Variants in CDK14 observed in about 807,000 individuals in gnomAD.
The protein encoded by CDK14 is cyclin dependent kinase 14, also known as cyclin-dependent kinase 14.
Under a neutral mutation model 60.7 loss-of-function variants are expected in CDK14, and 34 were observed. That is an observed-to-expected ratio of 0.56 (90% CI 0.43 to 0.75). The LOEUF (loss-of-function observed/expected upper bound fraction) is 0.75. Ranked by LOEUF, CDK14 falls within the 30% of genes least tolerant of loss-of-function variation. The pLI, the probability that CDK14 is intolerant of heterozygous loss-of-function variation, is 0.00. For synonymous variants in CDK14, 197 were observed against 203.7 expected (o/e 0.97, Z 0.28); for missense variants, 482 against 564.1 (o/e 0.85, Z 1.47).
chr7:90,733,820 T>C (rs1175447637), intron 3 of CDK14, among the ~76,000 whole-genome samples: 1 of 152,218 alleles, frequency 6.6e-6, no homozygotes. Context: ...TAGGTTATTG[T>C]ATTGTTAGGT....
At chr7:91,037,814 G>A (rs760961924) in intron 10 of CDK14, among the ~76,000 whole-genome samples, 9 of 152,192 alleles carry the variant, frequency 5.9e-5, no homozygotes, top group Non-Finnish European at 1.2e-4. Flanking sequence ...TCTGAATTCA[G>A]GATGTTGACA....
At chr7:90,693,161 G>A (rs755919879) in intron 2 of CDK14, among the ~76,000 whole-genome samples, 20 of 152,144 alleles carry the variant, frequency 1.3e-4, no homozygotes, top group Non-Finnish European at 2.5e-4. Context: ...GTTGCTCTGT[G>A]TATTCTTCCC....
intron 9 of CDK14, among the ~76,000 whole-genome samples, chr7:90,974,312 A>G (rs1795009154): frequency 6.6e-6 from 1 of 152,114 alleles, no homozygotes. Flanking sequence ...CACATGTTTT[A>G]CAAACAATTT....
At chr7:90,860,807 G>A (rs2117212926) in intron 5 of CDK14, among the ~76,000 whole-genome samples, 3 of 152,258 alleles carry the variant, frequency 2.0e-5, no homozygotes, top group Admixed American at 2.0e-4. Flanking sequence ...ACATGCATGA[G>A]CCACCACGCC....
intron 4 of CDK14, among the ~76,000 whole-genome samples, chr7:90,775,652 CCTCCCCCTTTCT>C (rs1334584674): frequency 1.3e-3 from 143 of 113,478 alleles, no homozygotes; most frequent in African/African-American, 4.4e-3. Flanking sequence ...TCCCCCTTCC[CCTCCCCCTTTCT>C]CCTCCTCCTC....
chr7:90,598,620 A>G (rs868320712), intron 1 of CDK14, among the ~76,000 whole-genome samples: 4 of 152,030 alleles, frequency 2.6e-5, no homozygotes, highest in Admixed American at 6.6e-5. Flanking sequence ...TTACAGAAAC[A>G]AAATCTGTAT....
At chr7:90,738,824 AT>A (rs1803232002) in intron 3 of CDK14, among the ~76,000 whole-genome samples, 1 of 152,226 alleles carries the variant, frequency 6.6e-6, no homozygotes, top group Non-Finnish European at 1.5e-5. Context: ...TGATGATTTA[AT>A]AAAGTTGCAA....
At chr7:90,936,698 C>A (rs1793765414) in intron 8 of CDK14, among the ~76,000 whole-genome samples, 1 of 152,142 alleles carries the variant, frequency 6.6e-6, no homozygotes, top group African/African-American at 2.4e-5. Context: ...AGAATACTCT[C>A]CATCACAAAA....
At chr7:90,686,576 C>A (rs1472675800) in intron 2 of CDK14, among the ~76,000 whole-genome samples, 2 of 152,168 alleles carry the variant, frequency 1.3e-5, no homozygotes, top group African/African-American at 4.8e-5. Flanking sequence ...ACACTATTAT[C>A]TTAGTAAAAG....
At chr7:90,670,674 C>T (rs1428562468) in intron 2 of CDK14, among the ~76,000 whole-genome samples, 3 of 151,992 alleles carry the variant, frequency 2.0e-5, no homozygotes, top group South Asian at 2.1e-4. Context: ...GGAGGTGTTG[C>T]ACCCTTAAAC....
rs138137269 is a variant in CDK14 at position 91,063,443 on chromosome 7, A to G, written c.1106-15989A>G. 5.2e-3 allele frequency among the ~76,000 whole-genome samples: 785 copies of G among 152,386 alleles called. 2 individuals carry two copies. Among genetic ancestry groups the G allele is most frequent in the South Asian group, 7.9e-3 (38 of 4,832 alleles). On this transcript the variant is annotated intron_variant, in intron 11 of 14. Transcript: ENST00000380050. ...ATTTCCTTCACGTACACTGTCCTTCATGCAGCACTGGCAGAGAGCACCTTT... is the reference window on the plus strand; with the variant it reads ...ATTTCCTTCACGTACACTGTCCTTCGTGCAGCACTGGCAGAGAGCACCTTT...
At chr7:90,808,765 G>C (rs1352661462) in intron 5 of CDK14, among the ~76,000 whole-genome samples, 1 of 152,160 alleles carries the variant, frequency 6.6e-6, no homozygotes, top group African/African-American at 2.4e-5. Context: ...TAAAGGGATG[G>C]AGGAAGATCT....
At chr7:90,790,188 A>T (rs1419904681) in intron 4 of CDK14, among the ~76,000 whole-genome samples, 1 of 151,894 alleles carries the variant, frequency 6.6e-6, no homozygotes, top group East Asian at 1.9e-4. Flanking sequence ...AAATGAAGAC[A>T]TTTCAGCAGA....
intron 12 of CDK14, among the ~76,000 whole-genome samples, chr7:91,101,035 A>G (rs1357453178): frequency 6.6e-6 from 1 of 151,824 alleles, no homozygotes; most frequent in East Asian, 1.9e-4. Context: ...TTAAGGCTGG[A>G]CTCTCCCCAT....
At position 91,201,662 on chromosome 7, in the gene CDK14, G is replaced by A. The variant is rs117863231; in HGVS notation, c.*29-5503G>A. 7.2e-3 allele frequency among the ~76,000 whole-genome samples: 1,097 copies of A among 152,172 alleles called. 12 individuals are homozygous for A. The highest frequency in any genetic ancestry group is 0.01 in the Non-Finnish European group (706 of 67,998). On this transcript the variant is annotated intron_variant, in intron 14 of 14. Coordinates refer to ENST00000380050, the MANE Select transcript of CDK14 (RefSeq NM_001287135.2). ...GGGTCCTCAGCGATGTTGTCCCTCCGGCATGTAAACTGCATGCATGTGTGT... is the reference window on the plus strand; with the variant it reads ...GGGTCCTCAGCGATGTTGTCCCTCCAGCATGTAAACTGCATGCATGTGTGT...
At chr7:90,929,627 A>G (rs573146490) in intron 8 of CDK14, among the ~76,000 whole-genome samples, 3 of 152,212 alleles carry the variant, frequency 2.0e-5, no homozygotes, top group African/African-American at 7.2e-5. Flanking sequence ...GATTTATATT[A>G]TTCATGCCAT....
chr7:90,975,605 T>C (rs951197426), intron 9 of CDK14, among the ~76,000 whole-genome samples: 2 of 152,098 alleles, frequency 1.3e-5, no homozygotes, highest in African/African-American at 4.8e-5. Context: ...ACTATAGTCA[T>C]CCTACATTGG....
chr7:90,885,732 G>C (rs907157667), intron 6 of CDK14, among the ~76,000 whole-genome samples: 4 of 152,220 alleles, frequency 2.6e-5, no homozygotes, highest in Admixed American at 2.6e-4. Flanking sequence ...ATGCTATGCA[G>C]CCGTAAAAAG....
chr7:90,645,782 C>T (rs937272989), intron 2 of CDK14, among the ~76,000 whole-genome samples: 11 of 152,166 alleles, frequency 7.2e-5, no homozygotes, highest in Non-Finnish European at 1.5e-4. Flanking sequence ...AAAGATTTTC[C>T]ATCTTTAACA....
Sources: allele counts gnomAD v4.1 joint callset (sites outside exome capture counted in the v4.1 genomes callset), GRCh38; gene constraint gnomAD v4.1.1; transcripts MANE v1.5; gene names NCBI Gene and HGNC (gene_info 2026-07-23, HGNC 2026-07-21).